The following ANO10 variants were observed in gnomAD, a reference collection of about 807,000 sequenced individuals.
The protein encoded by ANO10 is anoctamin-10.
In ANO10, 77 loss-of-function variants were observed where a neutral mutation model predicts 74.7. The observed-to-expected ratio is 1.03, with a 90% CI of 0.86 to 1.25. ANO10 has a LOEUF of 1.25. Among genes scored for constraint, ANO10 ranks in the 50% most tolerant of loss-of-function variants. The probability of loss-of-function intolerance (pLI) is 0.00; values close to 1 mark genes in which losing one functional copy is unlikely to be tolerated. For synonymous variants in ANO10, 279 were observed against 284.9 expected, an observed-to-expected ratio of 0.98 and a Z score of 0.21; for missense variants, 721 against 778.1, an observed-to-expected ratio of 0.93 and a Z score of 0.87.
intron 1 of ANO10, among the ~76,000 whole-genome samples, chr3:43,658,455 ATATTAT>A (rs555639307): frequency 4.4e-4 from 67 of 150,846 alleles, no homozygotes; most frequent in Admixed American, 6.6e-4. Context: ...ACCAAAGTTT[ATATTAT>A]TATTATTATT....
intron 4 of ANO10, among the ~76,000 whole-genome samples, chr3:43,596,683 C>T (rs1275648405): frequency 6.6e-6 from 1 of 152,132 alleles, no homozygotes; most frequent in East Asian, 1.9e-4. Flanking sequence ...TAGGCAATAC[C>T]ATTCAGGACA....
chr3:43,566,742 T>G (rs962934156), intron 7 of ANO10, among the ~76,000 whole-genome samples: 3 of 152,086 alleles, frequency 2.0e-5, no homozygotes, highest in Non-Finnish European at 4.4e-5. Flanking sequence ...GGGAAAAACC[T>G]GAACAGAAAA....
intron 1 of ANO10, chr3:43,690,771 C>T (rs1364082445): frequency 6.9e-6 from 3 of 434,026 alleles, no homozygotes; most frequent in Non-Finnish European, 1.2e-5. Context: ...CCGGGAGCGT[C>T]GGGCGGGAGA....
chr3:43,628,720 G>A (rs921935963), intron 1 of ANO10, among the ~76,000 whole-genome samples: 12 of 152,066 alleles, frequency 7.9e-5, no homozygotes, highest in East Asian at 3.9e-4. Context: ...TGGCCCCCCC[G>A]GGTGTGGCCG....
chr3:43,478,767 T>G (rs2076165142), intron 11 of ANO10, among the ~76,000 whole-genome samples: 1 of 152,358 alleles, frequency 6.6e-6, no homozygotes, highest in South Asian at 2.1e-4. Flanking sequence ...TAGCAGATAA[T>G]TCAATAATAA....
chr3:43,587,578 A>G (rs1467980131), intron 4 of ANO10, among the ~76,000 whole-genome samples: 1 of 152,194 alleles, frequency 6.6e-6, no homozygotes, highest in African/African-American at 2.4e-5. Flanking sequence ...ACAGAACAAG[A>G]GGCAAGCTGA....
At position 43,372,712 on chromosome 3, in the gene ANO10, A is replaced by T. The variant is rs1191140509; in HGVS notation, c.1915-5738T>A. 5.2e-6 allele frequency: 4 copies of T among 770,870 alleles called. No homozygotes were observed. The South Asian group carries it at 6.5e-5, about 12-fold the overall frequency. 47.8% of individuals were successfully genotyped at this position (770,870 alleles called of 1,614,324 possible). On this transcript the variant is annotated intron_variant, in intron 12 of 12. Transcript: ENST00000292246. ...TGTTTGCAGATTTTTTTTCTGTCTT[A>T]AATGTTCTATCCTACCTGGTATGTG... is the stretch of plus-strand genomic sequence containing the variant.
chr3:43,570,055 C>G (rs1211235296), intron 7 of ANO10, among the ~76,000 whole-genome samples: 2 of 146,630 alleles, frequency 1.4e-5, no homozygotes, highest in Non-Finnish European at 3.0e-5. Context: ...AGACAGAGAG[C>G]CAAATCAGGA....
chr3:43,524,018 G>A (rs1203136895), intron 11 of ANO10, among the ~76,000 whole-genome samples: 1 of 152,126 alleles, frequency 6.6e-6, no homozygotes, highest in Non-Finnish European at 1.5e-5. Context: ...CCATGGGGTA[G>A]ATAAGCTCAC....
intron 1 of ANO10, among the ~76,000 whole-genome samples, chr3:43,667,332 G>T (rs1003459908): frequency 6.6e-6 from 1 of 151,940 alleles, no homozygotes; most frequent in African/African-American, 2.4e-5. Context: ...CTCATGATAC[G>T]CTCATGTCAG....
At chr3:43,428,301 C>T (rs4234429) in intron 12 of ANO10, among the ~76,000 whole-genome samples, 149,281 of 152,102 alleles carry the variant, frequency 0.98, 73,324 homozygotes, top group East Asian at 1. Flanking sequence ...CCACCCACCT[C>T]GGTCTCCCAA....
intron 10 of ANO10, among the ~76,000 whole-genome samples, chr3:43,550,724 TCTTTA>T (rs915962306): frequency 1.4e-5 from 2 of 145,898 alleles, no homozygotes; most frequent in African/African-American, 2.8e-5. Context: ...TCTAAGACTG[TCTTTA>T]CTTTAGTTTA....
chr3:43,589,309 A>T (rs574907455), intron 4 of ANO10, among the ~76,000 whole-genome samples: 5 of 152,206 alleles, frequency 3.3e-5, no homozygotes, highest in Non-Finnish European at 5.9e-5. Flanking sequence ...AGAAGAAATG[A>T]ATGTTTTCTA....
chr3:43,609,611 T>C (rs2082717681), intron 1 of ANO10, among the ~76,000 whole-genome samples: 1 of 152,200 alleles, frequency 6.6e-6, no homozygotes, highest in Non-Finnish European at 1.5e-5. Context: ...GGAAACATCA[T>C]AGAGTGTACT....
intron 1 of ANO10, among the ~76,000 whole-genome samples, chr3:43,667,739 A>T (rs2084009362): frequency 6.6e-6 from 1 of 152,152 alleles, no homozygotes; most frequent in Non-Finnish European, 1.5e-5. Context: ...TATGGCCTCC[A>T]GCTCTATCCA....
At chr3:43,376,119 A>T (rs960847059) in intron 12 of ANO10, among the ~76,000 whole-genome samples, 1 of 152,230 alleles carries the variant, frequency 6.6e-6, no homozygotes, top group African/African-American at 2.4e-5. Flanking sequence ...AACAAAGAGC[A>T]TGGCAAGAAC....
At chr3:43,605,100 G>A (rs985314475) in intron 2 of ANO10, among the ~76,000 whole-genome samples, 46 of 152,154 alleles carry the variant, frequency 3.0e-4, no homozygotes, top group African/African-American at 1.1e-3. Flanking sequence ...CCCAGACTGG[G>A]AACCCATGTC....
chr3:43,546,831 T>C (rs1371562482), intron 11 of ANO10, among the ~76,000 whole-genome samples: 1 of 152,062 alleles, frequency 6.6e-6, no homozygotes, highest in African/African-American at 2.4e-5. Flanking sequence ...AAGATTCATA[T>C]GAAAATCCCA....
At chr3:43,609,261 T>C (rs996137304) in intron 1 of ANO10, among the ~76,000 whole-genome samples, 7 of 152,230 alleles carry the variant, frequency 4.6e-5, no homozygotes, top group Admixed American at 4.6e-4. Context: ...TTTTTCCTAC[T>C]AAATGAAATC....
Sources: allele counts gnomAD v4.1 joint callset (sites outside exome capture counted in the v4.1 genomes callset), GRCh38; gene constraint gnomAD v4.1.1; transcripts MANE v1.5; gene names NCBI Gene and HGNC (gene_info 2026-07-23, HGNC 2026-07-21).